The following HDAC4 variants were observed in gnomAD, a reference collection of about 807,000 sequenced individuals.
The protein encoded by HDAC4 is histone deacetylase A.
HDAC4 carries 16 observed loss-of-function variants against 135.1 expected under a neutral mutation model. That is an observed-to-expected ratio of 0.12 (90% CI 0.08 to 0.18). HDAC4 has a LOEUF of 0.18. Among genes scored for constraint, HDAC4 ranks in the 10% least tolerant of loss-of-function variants. HDAC4 has a pLI of 1.00. For synonymous variants in HDAC4, 685 were observed against 653.4 expected (o/e 1.05, Z -0.74); for missense variants, 1,143 against 1,511.8 (o/e 0.76, Z 4.05).
intron 3 of HDAC4, among the ~76,000 whole-genome samples, chr2:239,228,376 G>C (rs1164207963): frequency 6.7e-6 from 1 of 149,592 alleles, no homozygotes; most frequent in African/African-American, 2.5e-5. Flanking sequence ...TCAATACTGA[G>C]CCGGAACGGG....
At position 239,400,796 on chromosome 2, in the gene HDAC4, G is replaced by C. The variant is rs957862101; in HGVS notation, c.-220+182C>G. 1 of 145,810 alleles carries C rather than the reference G, an allele frequency of 6.9e-6. No individual in the cohort carries two copies. The highest frequency in any genetic ancestry group is 6.8e-5 in the Admixed American group (1 of 14,646). The allele number at this position is 145,810 out of a possible 1,614,324, so 9.0% of individuals were successfully genotyped here. On this transcript the variant is annotated intron_variant, in intron 1 of 26. Coordinates refer to ENST00000543185, the MANE Select transcript of HDAC4 (RefSeq NM_001378414.1). The surrounding 1 kb of genome is among the most constrained non-coding windows in gnomAD (Gnocchi z 4.7). ...CGGCGCGCGGGCTCGGGCTCGGGCG[G>C]CGACAGCCGGGACGCGGCCACGGCG...
intron 24 of HDAC4, among the ~76,000 whole-genome samples, chr2:239,061,109 C>A (rs1175584365): frequency 6.6e-6 from 1 of 152,214 alleles, no homozygotes; most frequent in Non-Finnish European, 1.5e-5. Flanking sequence ...AAAACATTCA[C>A]CGTTGGCACG....
chr2:239,087,472 C>T (rs562311131), intron 19 of HDAC4, 87 bp downstream of exon 19: 74 of 1,320,814 alleles, frequency 5.6e-5, no homozygotes, highest in South Asian at 7.5e-5. Flanking sequence ...CCCAGCTCCC[C>T]GCAGTCACTC....
At chr2:239,112,814 T>C (rs1225534165) in intron 13 of HDAC4, among the ~76,000 whole-genome samples, 1 of 152,168 alleles carries the variant, frequency 6.6e-6, no homozygotes, top group East Asian at 1.9e-4. Flanking sequence ...ACAAATCCTG[T>C]GAACATGGAA....
intron 1 of HDAC4, among the ~76,000 whole-genome samples, chr2:239,372,495 C>G (rs557491528): frequency 6.6e-6 from 1 of 152,256 alleles, no homozygotes; most frequent in South Asian, 2.1e-4. Flanking sequence ...CACACACGCG[C>G]GCACACACAC....
chr2:239,209,410 T>C (rs1199197547), intron 3 of HDAC4, among the ~76,000 whole-genome samples: 1 of 152,222 alleles, frequency 6.6e-6, no homozygotes, highest in Non-Finnish European at 1.5e-5. Context: ...TGCAGATTAC[T>C]GTGGAAAAAA....
At chr2:239,209,104 C>T (rs1032592704) in intron 3 of HDAC4, among the ~76,000 whole-genome samples, 3 of 152,200 alleles carry the variant, frequency 2.0e-5, no homozygotes, top group Non-Finnish European at 1.5e-5. Context: ...TGGTCTTGAA[C>T]TCCTGAGCTC....
chr2:239,369,847 T>C (rs1429510486), intron 1 of HDAC4, among the ~76,000 whole-genome samples: 1 of 152,190 alleles, frequency 6.6e-6, no homozygotes, highest in Non-Finnish European at 1.5e-5. Context: ...CTGAGGACAG[T>C]GCAGGGTGCA....
intron 12 of HDAC4, among the ~76,000 whole-genome samples, chr2:239,124,836 T>TGTG (rs1182905130): frequency 1.5e-5 from 2 of 136,094 alleles, no homozygotes; most frequent in Non-Finnish European, 3.3e-5. Context: ...TGTGCTGGCG[T>TGTG]GCGGCCGCGT....
intron 24 of HDAC4, 82 bp downstream of exon 24, chr2:239,066,640 C>T (rs959011726): frequency 1.9e-6 from 3 of 1,601,274 alleles, no homozygotes; most frequent in Non-Finnish European, 2.6e-6. Context: ...CTTTTTCATG[C>T]TCTGGGGCTC....
intron 11 of HDAC4, among the ~76,000 whole-genome samples, chr2:239,127,490 T>C (rs2040274649): frequency 6.6e-6 from 1 of 152,224 alleles, no homozygotes; most frequent in Non-Finnish European, 1.5e-5. Flanking sequence ...CGTTTAACAT[T>C]TTTCCATGGT....
intron 19 of HDAC4, among the ~76,000 whole-genome samples, chr2:239,086,627 C>T (rs150475900): frequency 6.6e-6 from 1 of 152,364 alleles, no homozygotes; most frequent in African/African-American, 2.4e-5. Flanking sequence ...TCCGTGGACG[C>T]CTGACTTCCC....
intron 19 of HDAC4, 141 bp downstream of exon 19, chr2:239,087,418 C>T (rs776398599): frequency 3.8e-6 from 3 of 781,470 alleles, no homozygotes; most frequent in Non-Finnish European, 4.3e-6. Flanking sequence ...GGAGCTGGAG[C>T]CAAGCCGGCA....
intron 2 of HDAC4, among the ~76,000 whole-genome samples, chr2:239,315,758 A>C (rs1227308221): frequency 6.6e-6 from 1 of 152,208 alleles, no homozygotes; most frequent in East Asian, 1.9e-4. Context: ...GGTAAACTCC[A>C]AACGAATTGG....
Position 239,382,679 on chromosome 2 carries a change from G to A in HDAC4, c.-220+18299C>T, listed in dbSNP as rs568243407. 2.0e-5 allele frequency among the ~76,000 whole-genome samples: 3 copies of A among 152,166 alleles called. No individual in the cohort carries two copies. In the South Asian group the frequency reaches 6.2e-4, roughly 32 times the overall value. ...TGTGGGTGGGGCCAGGCCAGGAAAA[G>A]CCAGCCCACCGTGATGGGAGCTTTC... is the stretch of plus-strand genomic sequence containing the variant. On this transcript the variant is annotated intron_variant, in intron 1 of 26. Transcript: ENST00000543185.
intron 2 of HDAC4, among the ~76,000 whole-genome samples, chr2:239,292,369 T>C (rs1258938590): frequency 6.6e-6 from 1 of 152,176 alleles, no homozygotes; most frequent in African/African-American, 2.4e-5. Flanking sequence ...ACTGGCTGTT[T>C]GTTAGATGTG....
chr2:239,363,592 T>G (rs1325141815), intron 1 of HDAC4, among the ~76,000 whole-genome samples: 1 of 152,176 alleles, frequency 6.6e-6, no homozygotes, highest in Non-Finnish European at 1.5e-5. Context: ...TAGTATGAGC[T>G]GGATCACAGA....
At chr2:239,126,245 T>C (rs185813165) in intron 12 of HDAC4, among the ~76,000 whole-genome samples, 1 of 152,222 alleles carries the variant, frequency 6.6e-6, no homozygotes, top group South Asian at 2.1e-4. Context: ...GCAGGTGAAC[T>C]GTTCCTGAGC....
intron 1 of HDAC4, among the ~76,000 whole-genome samples, chr2:239,354,869 C>A (rs1693392685): frequency 6.6e-6 from 1 of 152,106 alleles, no homozygotes; most frequent in East Asian, 1.9e-4. Flanking sequence ...CCTCACAAAT[C>A]TCAGATGACA....
Sources: gnomAD v4.1 joint callset for allele counts (sites outside exome capture counted in the v4.1 genomes callset) on GRCh38, gnomAD v4.1.1 for gene constraint, Gnocchi (gnomAD v3.1) non-coding constraint, MANE v1.5 for transcripts, NCBI Gene and HGNC (gene_info 2026-07-23, HGNC 2026-07-21) for gene names.